The following SMAD9 variants were observed in gnomAD, a reference collection of about 807,000 sequenced individuals.
SMAD9 encodes the protein SMAD family member 9.
Under a neutral mutation model 46.1 loss-of-function variants are expected in SMAD9, and 36 were observed. The ratio of observed to expected loss-of-function variants is 0.78; its 90% CI spans 0.60 to 1.03. The LOEUF (loss-of-function observed/expected upper bound fraction) is 1.03, where lower values mean the gene tolerates loss of function less well. Among genes scored for constraint, SMAD9 ranks in the 50% least tolerant of loss-of-function variants. The probability of loss-of-function intolerance (pLI) is 0.00; values close to 1 mark genes in which losing one functional copy is unlikely to be tolerated. For missense variants in SMAD9, 572 were observed against 599.8 expected (o/e 0.95, Z 0.48); for synonymous variants, 245 against 237.1 (o/e 1.03, Z -0.31).
intron 6 of SMAD9, chr13:36,851,663 A>T: frequency 1.2e-6 from 1 of 845,444 alleles, no homozygotes; most frequent in Non-Finnish European, 1.4e-6. Context: ...ATCAGAGCTG[A>T]AAGAAACCTT....
intron 1 of SMAD9, among the ~76,000 whole-genome samples, chr13:36,914,038 A>T (rs1000669677): frequency 5.3e-5 from 8 of 152,178 alleles, no homozygotes; most frequent in Admixed American, 3.3e-4. Context: ...ATGAGTGCTA[A>T]TGTACTTCCC....
intron 1 of SMAD9, among the ~76,000 whole-genome samples, chr13:36,881,477 G>A (rs1228422850): frequency 2.6e-5 from 4 of 152,294 alleles, no homozygotes; most frequent in Admixed American, 6.5e-5. Context: ...ATAACCCCCC[G>A]CTAGGGTGAT....
chr13:36,853,402 T>G lies in SMAD9; in HGVS notation c.1260+17A>C, dbSNP rs374987262. 3.9e-4 allele frequency: 629 copies of G among 1,613,284 alleles called. 3 individuals are homozygous for G. The highest frequency in any genetic ancestry group is 1.3e-3 in the South Asian group (122 of 91,076). On this transcript the variant is annotated intron_variant, in intron 6 of 6. Transcript: ENST00000379826. ...TTTCACTGAACATTTTATAACGTGA[T>G]AGCAAGCACTCCTTACCTTAACAAA...
intron 6 of SMAD9, chr13:36,849,275 TTCTC>T (rs10555873): frequency 4.9e-3 from 740 of 151,286 alleles, no homozygotes; most frequent in Admixed American, 8.2e-3. Flanking sequence ...AGCTTGCTTA[TTCTC>T]TCTCTCTCTC....
intron 3 of SMAD9, among the ~76,000 whole-genome samples, chr13:36,869,774 A>G (rs552900799): frequency 4.6e-5 from 7 of 152,162 alleles, no homozygotes; most frequent in South Asian, 4.2e-4. Context: ...GGTTGCAGTG[A>G]GCCGAGATTG....
At position 36,865,673 on chromosome 13, in the gene SMAD9, G is replaced by C. The variant is rs1321471407; in HGVS notation, c.867C>G (p.Phe289Leu). ...YELNNRVGET[F>L]QASSRSVLID... is the part of the protein sequence containing the mutation. Reference sequence around the variant, plus strand: ...TGAGCACACTTCGGGAGGAAGCCTGGAATGTCTCCCCAACTCGGTTGTTCA... The same window carrying C: ...TGAGCACACTTCGGGAGGAAGCCTGCAATGTCTCCCCAACTCGGTTGTTCA... The change falls in exon 5 of 7, where the codon TTC becomes TTG. Residue 289 changes from phenylalanine (F) to leucine (L), a missense_variant. Coordinates refer to ENST00000379826, the MANE Select transcript of SMAD9 (RefSeq NM_001127217.3). 1.2e-6 allele frequency: 2 copies of C among 1,614,138 alleles called. No individual in the cohort carries two copies. Among genetic ancestry groups the C allele is most frequent in the Non-Finnish European group, 1.7e-6 (2 of 1,179,994 alleles).
chr13:36,882,478 C>T (rs1040572056), intron 1 of SMAD9, among the ~76,000 whole-genome samples: 1 of 152,152 alleles, frequency 6.6e-6, no homozygotes, highest in Non-Finnish European at 1.5e-5. Flanking sequence ...TCTGAAACAT[C>T]TCGGGTCTCT....
At chr13:36,894,137 T>C (rs967550764) in intron 1 of SMAD9, among the ~76,000 whole-genome samples, 2 of 152,168 alleles carry the variant, frequency 1.3e-5, no homozygotes, top group African/African-American at 4.8e-5. Context: ...GAACAGTATT[T>C]ATTGGGCAAC....
At chr13:36,865,390 T>G in intron 5 of SMAD9, 147 bp downstream of exon 5, 1 of 695,174 alleles carries the variant, frequency 1.4e-6, no homozygotes, top group Non-Finnish European at 2.6e-6. Context: ...CCAGTGGTAA[T>G]GTCAGAGCTA....
At chr13:36,902,427 T>C (rs946547026) in intron 1 of SMAD9, among the ~76,000 whole-genome samples, 1 of 152,186 alleles carries the variant, frequency 6.6e-6, no homozygotes, top group African/African-American at 2.4e-5. Flanking sequence ...AGTTTTAAAA[T>C]TAGGAAATGC....
intron 5 of SMAD9, among the ~76,000 whole-genome samples, chr13:36,858,555 T>C (rs2058148707): frequency 1.3e-5 from 2 of 152,186 alleles, no homozygotes; most frequent in Non-Finnish European, 2.9e-5. Context: ...CTACACGGCA[T>C]GTCCCATACT....
At chr13:36,856,187 C>T (rs2058122544) in intron 5 of SMAD9, among the ~76,000 whole-genome samples, 1 of 152,140 alleles carries the variant, frequency 6.6e-6, no homozygotes, top group Admixed American at 6.5e-5. Flanking sequence ...GAAAGACCTG[C>T]CTTGTGAGGG....
At chr13:36,912,577 T>C (rs552877490) in intron 1 of SMAD9, among the ~76,000 whole-genome samples, 1 of 152,212 alleles carries the variant, frequency 6.6e-6, no homozygotes, top group East Asian at 1.9e-4. Flanking sequence ...GGACCAGCCA[T>C]GCAAACTCAC....
At chr13:36,866,704 G>A (rs2058238031) in intron 4 of SMAD9, among the ~76,000 whole-genome samples, 1 of 152,060 alleles carries the variant, frequency 6.6e-6, no homozygotes, top group Non-Finnish European at 1.5e-5. Context: ...TCAAGATCTG[G>A]CTCATGGAAC....
In SMAD9 at chr13:36,879,333, G is replaced by A; in HGVS notation, c.357C>T (p.Ser119=). The A allele has an allele frequency of 6.2e-7, 1 of 1,614,148 alleles. No homozygotes were observed. Among genetic ancestry groups the A allele is most frequent in the East Asian group, 2.2e-5 (1 of 44,882 alleles). ...PLECCEFPFG[S]KQKEVCINPY... ...GGTTAATGCACACTTCTTTCTGCTT[G>A]GAGCCAAATGGGAACTCACAGCACT... is the stretch of plus-strand genomic sequence containing the variant. Residue 119 remains serine, a synonymous_variant, in exon 2 of 7, where the codon TCC becomes TCT. Coordinates refer to ENST00000379826, the MANE Select transcript of SMAD9 (RefSeq NM_001127217.3).
chr13:36,893,381 C>T (rs1026132834), intron 1 of SMAD9, among the ~76,000 whole-genome samples: 2 of 148,216 alleles, frequency 1.3e-5, no homozygotes, highest in African/African-American at 4.9e-5. Context: ...CCTAAAGAAA[C>T]TATTGTACAT....
chr13:36,919,410 C>A (rs1433270136), intron 1 of SMAD9, among the ~76,000 whole-genome samples: 4 of 152,120 alleles, frequency 2.6e-5, no homozygotes, highest in African/African-American at 9.7e-5. Context: ...ACCCCGGCTC[C>A]GACACAGTCC....
At chr13:36,858,822 G>C (rs569932335) in intron 5 of SMAD9, among the ~76,000 whole-genome samples, 7 of 152,198 alleles carry the variant, frequency 4.6e-5, no homozygotes, top group African/African-American at 1.4e-4. Context: ...ATGTGTTTTT[G>C]AGACAGTCTC....
At chr13:36,873,329 T>C (rs567093786) in intron 2 of SMAD9, among the ~76,000 whole-genome samples, 19 of 152,284 alleles carry the variant, frequency 1.2e-4, no homozygotes, top group African/African-American at 4.6e-4. Flanking sequence ...ATAAGTCTTT[T>C]TTTCCCCCAA....
Sources: gnomAD v4.1 joint callset for allele counts (sites outside exome capture counted in the v4.1 genomes callset) on GRCh38, gnomAD v4.1.1 for gene constraint, MANE v1.5 for transcripts, NCBI Gene and HGNC (gene_info 2026-07-23, HGNC 2026-07-21) for gene names.